Variants in CLN8 observed in about 807,000 individuals in gnomAD.
CLN8 encodes the protein CLN8 transmembrane ER and ERGIC protein.
A neutral mutation model predicts 15.7 loss-of-function variants in CLN8; 14 were observed. That is an observed-to-expected ratio of 0.89 (90% CI 0.59 to 1.39). The LOEUF is 1.39. Ranked by LOEUF, CLN8 falls within the 40% of genes most tolerant of loss-of-function variation. The pLI is 0.00. For missense variants in CLN8, 415 were observed against 364.0 expected (o/e 1.14, Z -1.14); for synonymous variants, 188 against 151.0 (o/e 1.25, Z -1.80).
chr8:1,753,141 A>G (rs746879317), upstream of CLN8, among the ~76,000 whole-genome samples: 4 of 152,170 alleles, frequency 2.6e-5, no homozygotes, highest in Admixed American at 6.5e-5. Context: ...TGATAATTAC[A>G]TAAGTTGGGA....
At position 1,781,036 on chromosome 8, in the gene CLN8, TG is replaced by T. The variant is rs1801698848; in HGVS notation, c.*470del. 1 of 164,780 alleles carries T rather than the reference TG, an allele frequency of 6.1e-6. No individual in the cohort carries two copies. The highest frequency in any genetic ancestry group is 2.4e-5 in the African/African-American group (1 of 41,680). The allele number at this position is 164,780 out of a possible 1,614,324, so 10.2% of individuals were successfully genotyped here. ...GGCTAAGATAGAAAATAACATGATT[TG>T]TTCCTTATTAAAGCTTCCCAGCGTA... On this transcript the variant is annotated 3_prime_UTR_variant, in exon 3 of 3. Transcript: ENST00000331222.
At chr8:1,753,430 G>T (rs1337265357), upstream of CLN8, among the ~76,000 whole-genome samples, 1 of 151,948 alleles carries the variant, frequency 6.6e-6, no homozygotes, top group Admixed American at 6.6e-5. Flanking sequence ...AATTAGCCAG[G>T]CATGGTGGCA....
intron 1 of CLN8, chr8:1,764,682 G>T (rs913882010): frequency 6.5e-6 from 1 of 153,188 alleles, no homozygotes; most frequent in Non-Finnish European, 1.5e-5. Context: ...GAGAGCGGGC[G>T]CTGGGTCAGG....
intron 1 of CLN8, among the ~76,000 whole-genome samples, chr8:1,757,834 C>T (rs959638873): frequency 1.1e-4 from 17 of 152,104 alleles, no homozygotes; most frequent in African/African-American, 2.2e-4. Context: ...CTGATAATTA[C>T]GGCTATTATC....
At chr8:1,760,172 C>A (rs1800759006), upstream of CLN8, 1 of 152,188 alleles carries the variant, frequency 6.6e-6, no homozygotes. Context: ...TAACCTCAGG[C>A]TCACTGAACA....
Position 1,780,399 on chromosome 8 carries a change from G to T in CLN8, c.693G>T (p.Leu231Phe). The change falls in exon 3 of 3, where the codon TTG becomes TTT. Residue 231 changes from leucine (L) to phenylalanine (F), a missense_variant. Transcript: ENST00000331222. ...TCAGCAGCCTGTATCTGCCTCATTT[G>T]ACACTGTTCCTTGTCGGACTGGCTC... ...GLVSSLYLPH[L>F]TLFLVGLALL... The T allele has an allele frequency of 1.2e-6, 2 of 1,614,206 alleles. No homozygotes were observed. Among genetic ancestry groups the T allele is most frequent in the East Asian group, 2.2e-5 (1 of 44,892 alleles).
At position 1,780,926 on chromosome 8, in the gene CLN8, G is replaced by T; in HGVS notation, c.*359G>T. 2.9e-6 allele frequency: 1 copy of T among 348,734 alleles called. No homozygotes were observed. The highest frequency in any genetic ancestry group is 5.3e-6 in the Non-Finnish European group (1 of 189,000). The allele number at this position is 348,734 out of a possible 1,614,324, so 21.6% of individuals were successfully genotyped here. A position where few individuals can be genotyped will look rare whatever the true frequency, so the allele number is the denominator to read the frequency against. On this transcript the variant is annotated 3_prime_UTR_variant, in exon 3 of 3. Coordinates refer to ENST00000331222, the MANE Select transcript of CLN8 (RefSeq NM_018941.4). ...TGAAGTGCCTCCCACAGGGCGGGTG[G>T]GTCAGCGTTGACTCTTTCCAGCTGC...
Position 1,785,793 on chromosome 8 carries a change from C to T in CLN8, c.*5226C>T, listed in dbSNP as rs540326744. 2.3e-5 allele frequency: 4 copies of T among 176,142 alleles called. No individual in the cohort carries two copies. Among genetic ancestry groups the T allele is most frequent in the East Asian group, 3.3e-4 (2 of 6,008 alleles). 10.9% of individuals were successfully genotyped at this position (176,142 alleles called of 1,614,324 possible). On this transcript the variant is annotated 3_prime_UTR_variant, in exon 3 of 3. Coordinates refer to ENST00000331222, the MANE Select transcript of CLN8 (RefSeq NM_018941.4). ...GTTAGACAGGTACTGGTCAGATGCA[C>T]GGGCTCCCTAAACCCCTGCTGTGGC... is the stretch of plus-strand genomic sequence containing the variant.
chr8:1,759,954 C>T (rs1433911570), upstream of CLN8: 2 of 152,148 alleles, frequency 1.3e-5, no homozygotes, highest in Non-Finnish European at 1.5e-5. Context: ...TCCTCCCATC[C>T]CTCCGCTAAT....
rs1252666291 is a variant in CLN8, at chr8:1,782,801, C to T, written c.*2234C>T. 6.6e-6 allele frequency: 1 copy of T among 152,176 alleles called. No homozygotes were observed. Among genetic ancestry groups the T allele is most frequent in the African/African-American group, 2.4e-5 (1 of 41,442 alleles). The allele number at this position is 152,176 out of a possible 1,614,324, so 9.4% of individuals were successfully genotyped here. A position where few individuals can be genotyped will look rare whatever the true frequency, so the allele number is the denominator to read the frequency against. Reference sequence around the variant, plus strand: ...TATAATGATAAATTCATCATGTGTTCAGAATTCGATTTGGAGTTGGAAGTG... The same window carrying T: ...TATAATGATAAATTCATCATGTGTTTAGAATTCGATTTGGAGTTGGAAGTG... On this transcript the variant is annotated 3_prime_UTR_variant, in exon 3 of 3. Coordinates refer to ENST00000331222, the MANE Select transcript of CLN8 (RefSeq NM_018941.4).
rs939535733 is a variant in CLN8, at chr8:1,784,790, C to T, written c.*4223C>T. The T allele has an allele frequency of 2.0e-5, 3 of 152,734 alleles. No homozygotes were observed. Among genetic ancestry groups the T allele is most frequent in the Admixed American group, 1.3e-4 (2 of 15,276 alleles). The allele number at this position is 152,734 out of a possible 1,614,324, so 9.5% of individuals were successfully genotyped here. ...GACACCTGCTGAGGGGGGAATTTAC[C>T]ACGGTAAGGGCAGGGCTGGGAGGCT... On this transcript the variant is annotated 3_prime_UTR_variant, in exon 3 of 3. Transcript: ENST00000331222.
At chr8:1,775,528 T>C (rs181142431) in intron 2 of CLN8, among the ~76,000 whole-genome samples, 2 of 152,362 alleles carry the variant, frequency 1.3e-5, no homozygotes, top group East Asian at 3.9e-4. Context: ...AACTCTTCGG[T>C]TCTCAAGCTT....
upstream of CLN8, chr8:1,759,853 A>G (rs1800751228): frequency 6.6e-6 from 1 of 152,240 alleles, no homozygotes; most frequent in African/African-American, 2.4e-5. Context: ...TTAAAATCAC[A>G]GACGTTCTTT....
At position 1,781,037 on chromosome 8, in the gene CLN8, G is replaced by T. The variant is rs758232889; in HGVS notation, c.*470G>T. 2.1e-4 allele frequency: 35 copies of T among 164,616 alleles called. No individual in the cohort carries two copies. Among genetic ancestry groups the T allele is most frequent in the African/African-American group, 4.3e-4 (18 of 41,814 alleles). 10.2% of individuals were successfully genotyped at this position (164,616 alleles called of 1,614,324 possible). On this transcript the variant is annotated 3_prime_UTR_variant, in exon 3 of 3. Coordinates refer to ENST00000331222, the MANE Select transcript of CLN8 (RefSeq NM_018941.4). ...GCTAAGATAGAAAATAACATGATTT[G>T]TTCCTTATTAAAGCTTCCCAGCGTA... is the stretch of plus-strand genomic sequence containing the variant.
Position 1,780,077 on chromosome 8 carries a change from C to A in CLN8, c.544-173C>A, listed in dbSNP as rs1043853764. On this transcript the variant is annotated intron_variant, in intron 2 of 2. Transcript: ENST00000331222. ...CCAGGTGCGCCCACAGAGCTGGTGG[C>A]CTCCTTTCAGAATGAAGTCCCAATG... The A allele has an allele frequency of 2.2e-5, 22 of 985,346 alleles. No homozygotes were observed. In the African/African-American group the frequency reaches 3.8e-4, roughly 17 times the overall value. 61.0% of individuals were successfully genotyped at this position (985,346 alleles called of 1,614,324 possible).
rs770109314 is a variant in CLN8 at position 1,771,420 on chromosome 8, C to T, written c.366C>T (p.His122=). 1.2e-6 allele frequency: 2 copies of T among 1,614,210 alleles called. No homozygotes were observed. The highest frequency in any genetic ancestry group is 2.2e-5 in the South Asian group (2 of 91,088). The change falls in exon 2 of 3, where the codon CAC becomes CAT. Residue 122 remains histidine (H), a synonymous_variant. Coordinates refer to ENST00000331222, the MANE Select transcript of CLN8 (RefSeq NM_018941.4). The part of the protein sequence containing the change: ...GFFCFENVAV[H]LSNLIFRTFD... ...TTTGCTTTGAAAATGTTGCAGTCCACCTGTCCAACTTGATCTTCCGGACAT... is the reference window on the plus strand; with the variant it reads ...TTTGCTTTGAAAATGTTGCAGTCCATCTGTCCAACTTGATCTTCCGGACAT...
chr8:1,780,203 T>G (rs1393607997), intron 2 of CLN8, 47 bp from the exon 3 acceptor site: 2 of 1,614,042 alleles, frequency 1.2e-6, no homozygotes, highest in African/African-American at 2.7e-5. Context: ...AAGAATGAAT[T>G]TTGGCAGTTT....
chr8:1,755,479 A>G (rs1800648612), upstream of CLN8, among the ~76,000 whole-genome samples: 1 of 152,098 alleles, frequency 6.6e-6, no homozygotes, highest in Admixed American at 6.5e-5. Context: ...CTCTGCCCAC[A>G]AGATACAAGT....
rs952258404 is a variant in CLN8, at chr8:1,786,346, T to C, written c.*5779T>C. ...ATCAGAATAAACTGCACCCAGACTT[T>C]CACGAATGCATGTTGACGCTTTCAG... On this transcript the variant is annotated 3_prime_UTR_variant, in exon 3 of 3. Coordinates refer to ENST00000331222, the MANE Select transcript of CLN8 (RefSeq NM_018941.4). 3 of 152,238 alleles carry C rather than the reference T, an allele frequency of 2.0e-5. No individual in the cohort carries two copies. The highest frequency in any genetic ancestry group is 7.2e-5 in the African/African-American group (3 of 41,460). The allele number at this position is 152,238 out of a possible 1,614,324, so 9.4% of individuals were successfully genotyped here. A position where few individuals can be genotyped will look rare whatever the true frequency, so the allele number is the denominator to read the frequency against.
Sources: allele counts gnomAD v4.1 joint callset (sites outside exome capture counted in the v4.1 genomes callset), GRCh38; gene constraint gnomAD v4.1.1; transcripts MANE v1.5; gene names NCBI Gene and HGNC (gene_info 2026-07-23, HGNC 2026-07-21).